The following NLGN1 variants were observed in gnomAD, a reference collection of about 807,000 sequenced individuals.
NLGN1 encodes neuroligin-1.
A neutral mutation model predicts 65.5 loss-of-function variants in NLGN1; 12 were observed. The ratio of observed to expected loss-of-function variants is 0.18; its 90% CI spans 0.12 to 0.30. The LOEUF (loss-of-function observed/expected upper bound fraction) is 0.30, where lower values mean the gene tolerates loss of function less well. Among genes scored for constraint, NLGN1 ranks in the 10% least tolerant of loss-of-function variants. NLGN1 has a pLI of 1.00. For missense variants in NLGN1, 750 were observed against 1,007.1 expected (o/e 0.74, Z 3.46); for synonymous variants, 350 against 359.5 (o/e 0.97, Z 0.30).
At chr3:173,488,465 A>G (rs1728526702) in intron 2 of NLGN1, among the ~76,000 whole-genome samples, 1 of 151,872 alleles carries the variant, frequency 6.6e-6, no homozygotes, top group African/African-American at 2.4e-5. Context: ...TTTCAATGGC[A>G]TTCTGTAAGT....
chr3:173,566,098 C>T (rs1053197483), intron 2 of NLGN1, among the ~76,000 whole-genome samples: 1 of 152,088 alleles, frequency 6.6e-6, no homozygotes, highest in Non-Finnish European at 1.5e-5. Context: ...TGTGAGGAGA[C>T]GTAAGCCTGT....
chr3:173,535,099 TTAAAAA>T (rs1237234083), intron 2 of NLGN1, among the ~76,000 whole-genome samples: 1 of 152,004 alleles, frequency 6.6e-6, no homozygotes, highest in African/African-American at 2.4e-5. Context: ...AACGGATAGA[TTAAAAA>T]TATAGAGTAA....
chr3:173,728,155 G>C (rs1018086913), intron 3 of NLGN1, among the ~76,000 whole-genome samples: 1 of 152,080 alleles, frequency 6.6e-6, no homozygotes. Context: ...ACTAAGGTTG[G>C]GTAGAATTCG....
intron 2 of NLGN1, among the ~76,000 whole-genome samples, chr3:173,590,318 G>T (rs1312624827): frequency 6.6e-6 from 1 of 152,092 alleles, no homozygotes; most frequent in African/African-American, 2.4e-5. Flanking sequence ...GGTAGAAAAA[G>T]TCACCAGTTT....
chr3:173,907,392 A>C (rs1006275638), intron 4 of NLGN1, among the ~76,000 whole-genome samples: 1 of 152,104 alleles, frequency 6.6e-6, no homozygotes, highest in East Asian at 1.9e-4. Context: ...TGTATTTCCA[A>C]GAGTCCAGGA....
At chr3:174,220,272 G>T (rs1484618826) in intron 4 of NLGN1, among the ~76,000 whole-genome samples, 3 of 152,118 alleles carry the variant, frequency 2.0e-5, no homozygotes, top group Admixed American at 6.6e-5. Flanking sequence ...GTTCTGTGAT[G>T]AAATCAGATA....
chr3:173,898,605 C>G (rs930637861), intron 4 of NLGN1, among the ~76,000 whole-genome samples: 13 of 152,198 alleles, frequency 8.5e-5, no homozygotes, highest in African/African-American at 3.1e-4. Context: ...GCTTCTAGCT[C>G]TGGGGAGCCA....
At position 174,280,362 on chromosome 3, in the gene NLGN1, T is replaced by G; in HGVS notation, c.1650-119T>G. On this transcript the variant is annotated intron_variant, in intron 6 of 6. Transcript: ENST00000457714. This position sits in a 1 kb window ranked among gnomAD's most constrained non-coding sequence, Gnocchi z 4.9. ...ATTTCTAAATTGACCCAAATTAATG[T>G]TAAAACACAATCTAAAGCATTGCTG... 1.4e-6 allele frequency: 1 copy of G among 722,614 alleles called. No individual in the cohort carries two copies. Among genetic ancestry groups the G allele is most frequent in the Non-Finnish European group, 2.2e-6 (1 of 448,954 alleles). The allele number at this position is 722,614 out of a possible 1,614,324, so 44.8% of individuals were successfully genotyped here.
At chr3:173,902,986 A>G (rs1737655677) in intron 4 of NLGN1, among the ~76,000 whole-genome samples, 1 of 152,138 alleles carries the variant, frequency 6.6e-6, no homozygotes. Context: ...TCAAAATGCT[A>G]TAGGAATTTG....
At chr3:174,081,597 GTT>G (rs58453866) in intron 4 of NLGN1, among the ~76,000 whole-genome samples, 43,466 of 121,788 alleles carry the variant, frequency 0.36, 6,430 homozygotes, top group East Asian at 0.51. Flanking sequence ...TGATTAGGTT[GTT>G]TTTTTTTTTT....
intron 4 of NLGN1, among the ~76,000 whole-genome samples, chr3:174,075,912 T>C (rs940746625): frequency 2.0e-5 from 3 of 152,184 alleles, no homozygotes; most frequent in African/African-American, 7.2e-5. Context: ...ACACTAAAAG[T>C]ATACACTTTA....
chr3:173,628,754 C>T (rs1328028183), intron 3 of NLGN1, among the ~76,000 whole-genome samples: 1 of 151,654 alleles, frequency 6.6e-6, no homozygotes, highest in South Asian at 2.1e-4. Context: ...AGTGCGGTGG[C>T]GTGATCTCAG....
chr3:174,040,334 A>G (rs1003502580), intron 4 of NLGN1, among the ~76,000 whole-genome samples: 3 of 152,172 alleles, frequency 2.0e-5, no homozygotes, highest in Admixed American at 1.3e-4. Flanking sequence ...TGAGCAAGTG[A>G]CTGCTTGGCA....
chr3:173,698,398 T>C (rs1293065982), intron 3 of NLGN1, among the ~76,000 whole-genome samples: 1 of 152,210 alleles, frequency 6.6e-6, no homozygotes, highest in African/African-American at 2.4e-5. Context: ...TGATGAGAGA[T>C]AACAGACCAC....
chr3:173,881,968 A>G (rs959333119), intron 4 of NLGN1, among the ~76,000 whole-genome samples: 4 of 152,174 alleles, frequency 2.6e-5, no homozygotes, highest in Non-Finnish European at 4.4e-5. Context: ...TTTTAAATGT[A>G]TTTCTTAAAT....
intron 4 of NLGN1, among the ~76,000 whole-genome samples, chr3:173,883,275 G>T (rs1176659742): frequency 6.6e-6 from 1 of 152,180 alleles, no homozygotes; most frequent in East Asian, 1.9e-4. Flanking sequence ...GAATAGGAAA[G>T]TCTCAAAAGG....
chr3:173,431,130 A>T (rs570251662), intron 1 of NLGN1, among the ~76,000 whole-genome samples: 3 of 152,030 alleles, frequency 2.0e-5, no homozygotes, highest in Non-Finnish European at 4.4e-5. Context: ...AACTTTCCCT[A>T]TTTCACTAGT....
chr3:173,591,246 A>G (rs938298328), intron 2 of NLGN1, among the ~76,000 whole-genome samples: 1 of 152,222 alleles, frequency 6.6e-6, no homozygotes, highest in African/African-American at 2.4e-5. Flanking sequence ...TGTGTTACAC[A>G]AATGGCCCAT....
intron 4 of NLGN1, among the ~76,000 whole-genome samples, chr3:173,910,199 C>G (rs1419064299): frequency 6.6e-6 from 1 of 152,168 alleles, no homozygotes; most frequent in Non-Finnish European, 1.5e-5. Context: ...CACAAATCAC[C>G]TGGGATCCTG....
Sources: gnomAD v4.1 joint callset for allele counts (sites outside exome capture counted in the v4.1 genomes callset) on GRCh38, gnomAD v4.1.1 for gene constraint, Gnocchi (gnomAD v3.1) non-coding constraint, MANE v1.5 for transcripts, NCBI Gene and HGNC (gene_info 2026-07-23, HGNC 2026-07-21) for gene names.